FSTL1: variants seen among roughly 807,000 people sequenced by gnomAD.
FSTL1 encodes follistatin like 1.
FSTL1 carries 24 observed loss-of-function variants against 45.9 expected under a neutral mutation model. That is an observed-to-expected ratio of 0.52 (90% CI 0.38 to 0.74). FSTL1 has a LOEUF of 0.74. FSTL1 is among the 30% of genes least tolerant of loss of function. FSTL1 has a pLI of 0.00. For missense variants in FSTL1, 340 were observed against 381.8 expected (o/e 0.89, Z 0.91); for synonymous variants, 120 against 137.6 (o/e 0.87, Z 0.89).
chr3:120,402,917 C>A lies in FSTL1; in HGVS notation c.696G>T (p.Lys232Asn). ...CATACGTTTCATCCTCCAGGGCACA[C>A]TCTGTTGGGCCAGAAATACGGGGCA... ...LNPSFNPPEK[K>N]CALEDETYAD... is the part of the protein sequence containing the mutation. Residue 232 changes from lysine (K) to asparagine (N), a missense_variant and splice_region_variant, in exon 9 of 11, where the codon AAG becomes AAT. Transcript: ENST00000295633. 1 of 1,591,448 alleles carries A rather than the reference C, an allele frequency of 6.3e-7. No individual in the cohort carries two copies. Among genetic ancestry groups the A allele is most frequent in the Non-Finnish European group, 8.6e-7 (1 of 1,159,418 alleles).
chr3:120,418,153 CTT>C (rs1326692532), intron 2 of FSTL1, among the ~76,000 whole-genome samples: 1 of 152,166 alleles, frequency 6.6e-6, no homozygotes, highest in Admixed American at 6.5e-5. Context: ...AAACAGATAA[CTT>C]TTGAGTTATA....
intron 2 of FSTL1, among the ~76,000 whole-genome samples, chr3:120,434,785 A>C (rs1370382855): frequency 6.6e-6 from 1 of 152,240 alleles, no homozygotes; most frequent in African/African-American, 2.4e-5. Context: ...AACAATAGCA[A>C]CTACTATTTA....
intron 2 of FSTL1, among the ~76,000 whole-genome samples, chr3:120,446,649 C>G (rs895401631): frequency 6.6e-6 from 1 of 152,170 alleles, no homozygotes; most frequent in Non-Finnish European, 1.5e-5. Context: ...CAAGAAGATG[C>G]AGTCAGAGAT....
intron 9 of FSTL1, 173 bp from the exon 10 acceptor site, chr3:120,400,132 C>T (rs1936792454): frequency 1.1e-5 from 7 of 614,944 alleles, no homozygotes; most frequent in Middle Eastern, 6.6e-4. Context: ...GTAATTGATA[C>T]CTCCAAGGTA....
chr3:120,444,649 A>G (rs1937698923), intron 2 of FSTL1, among the ~76,000 whole-genome samples: 1 of 149,912 alleles, frequency 6.7e-6, no homozygotes, highest in African/African-American at 2.5e-5. Flanking sequence ...TTATTTAAAT[A>G]AAAAAGTTAA....
At chr3:120,444,091 C>A (rs1050589239) in intron 2 of FSTL1, among the ~76,000 whole-genome samples, 3 of 149,840 alleles carry the variant, frequency 2.0e-5, no homozygotes, top group Non-Finnish European at 4.4e-5. Flanking sequence ...TGTTCAGATT[C>A]ATCCAAAGAG....
At chr3:120,441,791 A>T (rs1937631007) in intron 2 of FSTL1, among the ~76,000 whole-genome samples, 1 of 152,236 alleles carries the variant, frequency 6.6e-6, no homozygotes, top group Non-Finnish European at 1.5e-5. Flanking sequence ...TACATGTAAG[A>T]GCTTATTTAA....
chr3:120,450,874 C>T, intron 1 of FSTL1, 23 bp downstream of exon 1: 1 of 588,488 alleles, frequency 1.7e-6, no homozygotes, highest in Non-Finnish European at 2.8e-6. Flanking sequence ...GTCCGGCCTC[C>T]GCGCCGTGCG....
intron 2 of FSTL1, among the ~76,000 whole-genome samples, chr3:120,443,741 C>A (rs1937676209): frequency 6.7e-6 from 1 of 149,764 alleles, no homozygotes; most frequent in Non-Finnish European, 1.5e-5. Context: ...CAGGATTATT[C>A]AAGGGACATA....
At chr3:120,439,584 G>C (rs1401873066) in intron 2 of FSTL1, among the ~76,000 whole-genome samples, 1 of 152,180 alleles carries the variant, frequency 6.6e-6, no homozygotes, top group Non-Finnish European at 1.5e-5. Context: ...ACATGACTCA[G>C]AGATAACGTT....
chr3:120,436,312 C>T (rs1037977073), intron 2 of FSTL1, among the ~76,000 whole-genome samples: 1 of 152,162 alleles, frequency 6.6e-6, no homozygotes, highest in Non-Finnish European at 1.5e-5. Flanking sequence ...TTATACCCAA[C>T]ATTTAGCCAA....
chr3:120,446,609 T>C (rs1937747642), intron 2 of FSTL1, among the ~76,000 whole-genome samples: 2 of 152,252 alleles, frequency 1.3e-5, no homozygotes, highest in Admixed American at 1.3e-4. Flanking sequence ...GAGATCTTTT[T>C]AGCTTTGTTA....
chr3:120,450,782 CGGGCCCCGCGCT>C, intron 1 of FSTL1, 36 bp from the exon 2 acceptor site: 5 of 1,500,520 alleles, frequency 3.3e-6, no homozygotes, highest in Non-Finnish European at 4.5e-6. Context: ...CTGAAGGCGC[CGGGCCCCGCGCT>C]GACCTGGGAA....
intron 6 of FSTL1, among the ~76,000 whole-genome samples, chr3:120,408,743 G>A (rs973847329): frequency 7.2e-5 from 11 of 152,244 alleles, no homozygotes; most frequent in African/African-American, 2.4e-4. Context: ...GTGTGTGTGC[G>A]TGTCTGGCAT....
chr3:120,415,913 C>G lies in FSTL1; in HGVS notation c.168+10G>C. On this transcript the variant is annotated intron_variant, in intron 3 of 10. Transcript: ENST00000295633. ...GCCACTGTCCTCTGGCTCCCGACAT[C>G]AGGACTTACCTCAATGCAGAGACAG... The G allele has an allele frequency of 6.4e-7, 1 of 1,572,928 alleles. No homozygotes were observed. The highest frequency in any genetic ancestry group is 1.1e-5 in the South Asian group (1 of 90,242).
chr3:120,413,502 C>T, intron 3 of FSTL1, among the ~76,000 whole-genome samples: 1 of 152,096 alleles, frequency 6.6e-6, no homozygotes, highest in East Asian at 1.9e-4. Flanking sequence ...GAGGACCTCC[C>T]AGAGCTAATG....
At position 120,399,882 on chromosome 3, in the gene FSTL1, C is replaced by T; in HGVS notation, c.882+1G>A. ...GAACCAGCACGGAGGCTGCCACTCA[C>T]CTGATGCTTTTGGAGCTCCTGGACA... is the stretch of plus-strand genomic sequence containing the variant. On this transcript the variant is annotated splice_donor_variant, in intron 10 of 10. Transcript: ENST00000295633. LOFTEE classifies it high-confidence loss of function. 1.3e-6 allele frequency: 2 copies of T among 1,598,040 alleles called. No individual in the cohort carries two copies. The highest frequency in any genetic ancestry group is 1.7e-6 in the Non-Finnish European group (2 of 1,169,832).
Position 120,399,866 on chromosome 3 carries a change from C to T in FSTL1, c.882+17G>A, listed in dbSNP as rs573608027. On this transcript the variant is annotated intron_variant, in intron 10 of 10. Transcript: ENST00000295633. ...GGCAACAGCAACACCTGAACCAGCA[C>T]GGAGGCTGCCACTCACCTGATGCTT... 118 of 1,564,608 alleles carry T rather than the reference C, an allele frequency of 7.5e-5. 1 individual carries two copies. The South Asian group carries it at 8.9e-4, about 12-fold the overall frequency.
At chr3:120,400,296 A>C (rs1336464881) in intron 9 of FSTL1, among the ~76,000 whole-genome samples, 1 of 152,206 alleles carries the variant, frequency 6.6e-6, no homozygotes, top group Non-Finnish European at 1.5e-5. Context: ...AATGACTCTC[A>C]AGTCATTCAT....
Sources: allele counts gnomAD v4.1 joint callset (sites outside exome capture counted in the v4.1 genomes callset), GRCh38; gene constraint gnomAD v4.1.1; transcripts MANE v1.5; gene names NCBI Gene and HGNC (gene_info 2026-07-23, HGNC 2026-07-21).